Variants in ARMC2 observed in about 807,000 individuals in gnomAD.
ARMC2 encodes the protein armadillo repeat-containing protein 2.
ARMC2 carries 67 observed loss-of-function variants against 90.3 expected under a neutral mutation model. The ratio of observed to expected loss-of-function variants is 0.74; its 90% confidence interval spans 0.61 to 0.91. The LOEUF (loss-of-function observed/expected upper bound fraction) is 0.91, where lower values mean the gene tolerates loss of function less well. Ranked by LOEUF, ARMC2 falls within the 40% of genes least tolerant of loss-of-function variation. The pLI, the probability that ARMC2 is intolerant of heterozygous loss-of-function variation, is 0.00. For synonymous variants in ARMC2, 393 were observed against 393.0 expected (o/e 1.00, Z 0.00); for missense variants, 920 against 1,030.9 (o/e 0.89, Z 1.47).
chr6:108,906,299 AAAAAG>A (rs1772696783), intron 8 of ARMC2, among the ~76,000 whole-genome samples: 1 of 152,168 alleles, frequency 6.6e-6, no homozygotes, highest in Admixed American at 6.5e-5. Flanking sequence ...TACAGGGTAA[AAAAAG>A]AAAAGAAATA....
chr6:108,894,691 T>C, intron 6 of ARMC2, 148 bp downstream of exon 6: 1 of 630,140 alleles, frequency 1.6e-6, no homozygotes, highest in Non-Finnish European at 2.6e-6. Flanking sequence ...ACATTTTTAT[T>C]ATATTCATAC....
intron 8 of ARMC2, chr6:108,907,756 T>C: frequency 1.2e-6 from 2 of 1,610,878 alleles, no homozygotes; most frequent in Admixed American, 1.7e-5. Context: ...AGTAACCTCT[T>C]TGAAACGCTC....
the ARMC2 span, among the ~76,000 whole-genome samples, chr6:109,039,145 AGAAGGAAGG>A: frequency 2.7e-5 from 4 of 150,888 alleles, no homozygotes; most frequent in Non-Finnish European, 4.4e-5. Flanking sequence ...AAAGAAGAGG[AGAAGGAAGG>A]AGGAGGAGGA....
chr6:108,976,009 G>C (rs1417312098), downstream of ARMC2, among the ~76,000 whole-genome samples: 2 of 152,168 alleles, frequency 1.3e-5, no homozygotes, highest in Non-Finnish European at 2.9e-5. Context: ...AGTTTAACTA[G>C]ATCCCACTTG....
the ARMC2 span, among the ~76,000 whole-genome samples, chr6:109,033,946 T>C: frequency 6.6e-6 from 1 of 152,206 alleles, no homozygotes; most frequent in Non-Finnish European, 1.5e-5. Context: ...CATTAGAGTC[T>C]AACAACCTGG....
intron 2 of ARMC2, among the ~76,000 whole-genome samples, chr6:108,856,994 G>A (rs1774697977): frequency 1.3e-5 from 2 of 152,122 alleles, no homozygotes; most frequent in Admixed American, 1.3e-4. Flanking sequence ...CTTAAAGTCA[G>A]GGAGTGTCAG....
At chr6:108,882,130 T>A (rs78952804) in intron 5 of ARMC2, among the ~76,000 whole-genome samples, 2 of 150,786 alleles carry the variant, frequency 1.3e-5, no homozygotes, top group East Asian at 4.0e-4. Context: ...AATGTGATCA[T>A]TCTCTTAAAA....
intron 17 of ARMC2, among the ~76,000 whole-genome samples, chr6:108,972,295 A>G (rs1388446267): frequency 2.0e-5 from 3 of 152,196 alleles, no homozygotes; most frequent in Non-Finnish European, 4.4e-5. Flanking sequence ...TCTTTTCTGC[A>G]TTATCCATGG....
rs76392498 is a variant in ARMC2, at chr6:108,880,371, G to C, written c.671+4021G>C. 3.8e-3 allele frequency: 664 copies of C among 174,242 alleles called. 3 individuals are homozygous for C. Among genetic ancestry groups the C allele is most frequent in the African/African-American group, 0.014 (608 of 41,978 alleles). The allele number at this position is 174,242 out of a possible 1,614,324, so 10.8% of individuals were successfully genotyped here. A position where few individuals can be genotyped will look rare whatever the true frequency, so the allele number is the denominator to read the frequency against. On this transcript the variant is annotated intron_variant, in intron 5 of 17. Transcript: ENST00000392644. ...AGCTACAGCAGTTGATTCAGAGATG[G>C]GCACATGATCCAAGCCAGGCCAGTT...
chr6:108,875,646 C>T (rs985661739), intron 4 of ARMC2, among the ~76,000 whole-genome samples: 1 of 152,094 alleles, frequency 6.6e-6, no homozygotes, highest in African/African-American at 2.4e-5. Flanking sequence ...TATAACATGT[C>T]GTATACCTTA....
chr6:109,000,647 G>C, the ARMC2 span: 1 of 1,605,650 alleles, frequency 6.2e-7, no homozygotes, highest in Non-Finnish European at 8.5e-7. Flanking sequence ...GGTTCACTAA[G>C]TAGGAGCACT....
intron 5 of ARMC2, among the ~76,000 whole-genome samples, chr6:108,877,024 T>C (rs1426440283): frequency 1.3e-5 from 2 of 152,210 alleles, no homozygotes; most frequent in South Asian, 2.1e-4. Context: ...CTTGAGTATT[T>C]GGTGGCTGGA....
intron 7 of ARMC2, among the ~76,000 whole-genome samples, chr6:108,902,111 T>A (rs556920588): frequency 1.1e-4 from 17 of 152,346 alleles, no homozygotes; most frequent in African/African-American, 3.8e-4. Context: ...TCCTTTGTAA[T>A]GAATACATAT....
At chr6:108,963,978 G>T (rs532050472) in intron 15 of ARMC2, among the ~76,000 whole-genome samples, 94 of 152,312 alleles carry the variant, frequency 6.2e-4, no homozygotes, top group African/African-American at 2.2e-3. Flanking sequence ...CTGTCGATTG[G>T]GGGAGCCAAC....
chr6:108,953,670 A>G (rs1777364051), intron 13 of ARMC2, among the ~76,000 whole-genome samples: 1 of 152,256 alleles, frequency 6.6e-6, no homozygotes, highest in African/African-American at 2.4e-5. Flanking sequence ...AATGAAGAAA[A>G]CTTGGCTAAA....
chr6:108,967,387 GC>G (rs1562439528), intron 17 of ARMC2, among the ~76,000 whole-genome samples: 1 of 152,210 alleles, frequency 6.6e-6, no homozygotes, highest in Non-Finnish European at 1.5e-5. Context: ...GGGCTGCGGG[GC>G]CGGGGCCGTG....
intron 5 of ARMC2, among the ~76,000 whole-genome samples, chr6:108,894,009 CA>C (rs909752243): frequency 1.2e-4 from 18 of 151,676 alleles, no homozygotes; most frequent in African/African-American, 3.4e-4. Context: ...AAAACAAAAA[CA>C]AAAAAAACCC....
the ARMC2 span, chr6:109,002,274 G>A: frequency 2.5e-6 from 4 of 1,612,292 alleles, no homozygotes; most frequent in Non-Finnish European, 2.5e-6. Context: ...CACAAACAAC[G>A]TACCTCCTTT....
chr6:108,910,056 A>G (rs895283002), intron 8 of ARMC2, among the ~76,000 whole-genome samples: 2 of 152,046 alleles, frequency 1.3e-5, no homozygotes, highest in Non-Finnish European at 2.9e-5. Flanking sequence ...TTTGGTATTC[A>G]TCTTCCTCTA....
Sources: gnomAD v4.1 joint callset for allele counts (sites outside exome capture counted in the v4.1 genomes callset) on GRCh38, gnomAD v4.1.1 for gene constraint, MANE v1.5 for transcripts, NCBI Gene and HGNC (gene_info 2026-07-23, HGNC 2026-07-21) for gene names.